LRP2: variants seen among roughly 807,000 people sequenced by gnomAD.
LRP2 encodes LDL receptor related protein 2.
A neutral mutation model predicts 531.0 loss-of-function variants in LRP2; 172 were observed. That is an observed-to-expected ratio of 0.32 (90% CI 0.29 to 0.37). The LOEUF (loss-of-function observed/expected upper bound fraction) is 0.37, where lower values mean the gene tolerates loss of function less well. Among genes scored for constraint, LRP2 ranks in the 10% least tolerant of loss-of-function variants. The pLI is 1.00. For synonymous variants in LRP2, 1,992 were observed against 2,027.6 expected (o/e 0.98, Z 0.47); for missense variants, 5,167 against 5,868.3 (o/e 0.88, Z 3.90).
At chr2:169,162,647 G>A in intron 62 of LRP2, 47 bp from the exon 63 acceptor site, 3 of 1,588,676 alleles carry the variant, frequency 1.9e-6, no homozygotes, top group Non-Finnish European at 2.6e-6. Context: ...CTTTTATGAA[G>A]CAAGATACTT....
At chr2:169,351,031 C>T (rs1574281606) in intron 1 of LRP2, among the ~76,000 whole-genome samples, 1 of 152,086 alleles carries the variant, frequency 6.6e-6, no homozygotes, top group African/African-American at 2.4e-5. Context: ...TAGACAGGAA[C>T]AAGCATGAGA....
chr2:169,292,923 A>G (rs1165342577), intron 6 of LRP2, among the ~76,000 whole-genome samples: 1 of 152,184 alleles, frequency 6.6e-6, no homozygotes, highest in East Asian at 1.9e-4. Flanking sequence ...GATGCTGCAG[A>G]CATGACAACA....
At chr2:169,294,369 G>T in intron 5 of LRP2, 108 bp from the exon 6 acceptor site, 1 of 798,886 alleles carries the variant, frequency 1.3e-6, no homozygotes, top group Non-Finnish European at 2.2e-6. Flanking sequence ...TTCTTATTAA[G>T]CAGTGGTGTG....
chr2:169,235,802 C>G (rs758581125), intron 29 of LRP2, 38 bp downstream of exon 29: 1 of 1,470,804 alleles, frequency 6.8e-7, no homozygotes. Flanking sequence ...CTATCCACGA[C>G]TGTAGTTTTA....
chr2:169,338,022 G>A (rs942259346), intron 1 of LRP2, among the ~76,000 whole-genome samples: 3 of 152,086 alleles, frequency 2.0e-5, no homozygotes, highest in East Asian at 3.9e-4. Flanking sequence ...TGGGAGGATC[G>A]CTTGCGCCCG....
rs1687146375 is a variant in LRP2, at chr2:169,175,189, A to G, written c.10768+4T>C. On this transcript the variant is annotated splice_donor_region_variant and intron_variant, in intron 55 of 78. Coordinates refer to ENST00000649046, the MANE Select transcript of LRP2 (RefSeq NM_004525.3). ...AAAAAGAGGCATAAAGCGACTCAAC[A>G]CACCACAAAGAAGACGGTCTTCATC... 1.2e-6 allele frequency: 2 copies of G among 1,614,136 alleles called. No individual in the cohort carries two copies. The highest frequency in any genetic ancestry group is 4.5e-5 in the East Asian group (2 of 44,890).
At chr2:169,285,878 C>T (rs1374825681) in intron 9 of LRP2, among the ~76,000 whole-genome samples, 4 of 152,112 alleles carry the variant, frequency 2.6e-5, no homozygotes, top group South Asian at 2.1e-4. Context: ...TGATTACCAC[C>T]GAGGTATTCA....
chr2:169,243,516 G>A lies in LRP2; in HGVS notation c.3437C>T (p.Thr1146Ile). The A allele has an allele frequency of 6.2e-7, 1 of 1,614,084 alleles. No homozygotes were observed. The highest frequency in any genetic ancestry group is 1.1e-5 in the South Asian group (1 of 91,080). Residue 1146 changes from threonine (T) to isoleucine (I), a missense_variant, in exon 23 of 79, where the codon ACA becomes ATA. Physicochemically the swap from Thr to Ile is moderately conservative, Grantham distance 89 (BLOSUM62 -1). Coordinates refer to ENST00000649046, the MANE Select transcript of LRP2 (RefSeq NM_004525.3). The part of the protein sequence containing the change: ...DGSDEKNCNS[T>I]ETCQPSQFNC... Reference sequence around the variant, plus strand: ...AAACTGACTAGGTTGGCATGTCTCTGTCGAATCTAATGTCATCCGAAAACA... The same window carrying A: ...AAACTGACTAGGTTGGCATGTCTCTATCGAATCTAATGTCATCCGAAAACA...
intron 12 of LRP2, 140 bp from the exon 13 acceptor site, chr2:169,278,091 A>AT: frequency 1.4e-6 from 1 of 712,184 alleles, no homozygotes; most frequent in African/African-American, 1.9e-5. Context: ...AGGGAAATTA[A>AT]GTTGTTTTTT....
At chr2:169,214,430 T>A (rs1192699412) in intron 35 of LRP2, among the ~76,000 whole-genome samples, 1 of 152,160 alleles carries the variant, frequency 6.6e-6, no homozygotes, top group Non-Finnish European at 1.5e-5. Context: ...TGACAAGTAG[T>A]CAGCTTCTTC....
chr2:169,259,247 G>A, intron 16 of LRP2, 30 bp from the exon 17 acceptor site: 1 of 1,543,534 alleles, frequency 6.5e-7, no homozygotes, highest in Non-Finnish European at 8.9e-7. Flanking sequence ...CATATTTTAA[G>A]CTAAGTATAT....
rs1357720570 is a variant in LRP2, at chr2:169,185,808, T to C, written c.9540A>G (p.Pro3180=). ...VIGSYICKCA[P]GYLREPDGKT... ...TTCCATCTGGTTCTCGGAGGTAGCC[T>C]GGGGCACACTTACAGATGTAGGAGC... Residue 3180 remains proline, a synonymous_variant, in exon 50 of 79, where the codon CCA becomes CCG. Transcript: ENST00000649046. 6.2e-7 allele frequency: 1 copy of C among 1,613,640 alleles called. No homozygotes were observed. Among genetic ancestry groups the C allele is most frequent in the Non-Finnish European group, 8.5e-7 (1 of 1,179,902 alleles).
chr2:169,264,076 TCA>T (rs976854005), intron 16 of LRP2, among the ~76,000 whole-genome samples: 2 of 151,964 alleles, frequency 1.3e-5, no homozygotes, highest in Non-Finnish European at 2.9e-5. Context: ...AAGGGGAACA[TCA>T]CACTCTGGGG....
At chr2:169,277,320 A>G (rs1683583181) in intron 13 of LRP2, among the ~76,000 whole-genome samples, 1 of 152,184 alleles carries the variant, frequency 6.6e-6, no homozygotes, top group Non-Finnish European at 1.5e-5. Context: ...ATAAGAGCAG[A>G]GTAAAATCCA....
intron 4 of LRP2, among the ~76,000 whole-genome samples, chr2:169,295,218 A>G (rs1193286166): frequency 1.3e-5 from 2 of 152,206 alleles, no homozygotes; most frequent in African/African-American, 4.8e-5. Context: ...GGCGGCCCAG[A>G]GGTACCACTA....
At chr2:169,271,772 C>T in intron 15 of LRP2, 1 of 757,042 alleles carries the variant, frequency 1.3e-6, no homozygotes, top group Non-Finnish European at 1.6e-6. Flanking sequence ...AGATCTACAC[C>T]AAGAACCTTA....
chr2:169,230,186 A>T (rs1172697865), intron 31 of LRP2, among the ~76,000 whole-genome samples: 1 of 152,248 alleles, frequency 6.6e-6, no homozygotes, highest in Non-Finnish European at 1.5e-5. Context: ...GCAATTCAAC[A>T]GTCTTTGTGT....
chr2:169,360,597 G>A (rs1224191790), intron 1 of LRP2, among the ~76,000 whole-genome samples: 1 of 152,176 alleles, frequency 6.6e-6, no homozygotes, highest in Admixed American at 6.5e-5. Context: ...GCCAGGCACT[G>A]ACAGGAACAT....
Position 169,188,282 on chromosome 2 carries a change from A to G in LRP2, c.9033-17T>C, listed in dbSNP as rs751389037. ...CGGTCACACCTGTATCATGAGATCCAGTACCACTTTCAGAGAGGTTGGCAA... is the reference window on the plus strand; with the variant it reads ...CGGTCACACCTGTATCATGAGATCCGGTACCACTTTCAGAGAGGTTGGCAA... On this transcript the variant is annotated splice_polypyrimidine_tract_variant and intron_variant, in intron 48 of 78. Transcript: ENST00000649046. The G allele has an allele frequency of 1.2e-6, 2 of 1,613,582 alleles. No homozygotes were observed. Among genetic ancestry groups the G allele is most frequent in the Admixed American group, 1.7e-5 (1 of 59,994 alleles).
Sources: gnomAD v4.1 joint callset for allele counts (sites outside exome capture counted in the v4.1 genomes callset) on GRCh38, gnomAD v4.1.1 for gene constraint, MANE v1.5 for transcripts, NCBI Gene and HGNC (gene_info 2026-07-23, HGNC 2026-07-21) for gene names.